The following CCHCR1 variants were observed in gnomAD, a reference collection of about 807,000 sequenced individuals.
CCHCR1 encodes the protein HCR (a-helix coiled-coil rod homologue).
In CCHCR1, 91 loss-of-function variants were observed where a neutral mutation model predicts 114.6. The observed-to-expected ratio is 0.79, with a 90% CI of 0.67 to 0.94. The LOEUF (loss-of-function observed/expected upper bound fraction) is 0.94, where lower values mean the gene tolerates loss of function less well. Among genes scored for constraint, CCHCR1 ranks in the 40% least tolerant of loss-of-function variants. The pLI is 0.00. For missense variants in CCHCR1, 899 were observed against 1,079.9 expected, an observed-to-expected ratio of 0.83 and a Z score of 2.35; for synonymous variants, 379 against 428.5, an observed-to-expected ratio of 0.88 and a Z score of 1.43.
rs757573788 is a variant in CCHCR1 at position 31,145,399 on chromosome 6, G to A, written c.1739+49C>T. On this transcript the variant is annotated intron_variant, in intron 12 of 17. Coordinates refer to ENST00000396268, the MANE Select transcript of CCHCR1 (RefSeq NM_001105564.2). ...AGTCCTCATGGTTTTGGGGGTCCCA[G>A]CAGCCAATGCCCTAAAGCCCCATCC... 5.0e-6 allele frequency: 8 copies of A among 1,613,058 alleles called. No individual in the cohort carries two copies. The East Asian group carries it at 1.3e-4, about 27-fold the overall frequency.
chr6:31,150,250 C>T lies in CCHCR1; in HGVS notation c.1213-35G>A, dbSNP rs1775015624. On this transcript the variant is annotated intron_variant, in intron 7 of 17. Coordinates refer to ENST00000396268, the MANE Select transcript of CCHCR1 (RefSeq NM_001105564.2). This position sits in a 1 kb window ranked among gnomAD's most constrained non-coding sequence, Gnocchi z 5.3. ...AAGGAGTGGGAGAAAAGTGTGGGCT[C>T]CTGGGGGAGGAGAGGAAGGAGGTGG... 1.2e-6 allele frequency: 2 copies of T among 1,609,090 alleles called. No homozygotes were observed. Among genetic ancestry groups the T allele is most frequent in the Non-Finnish European group, 1.7e-6 (2 of 1,176,524 alleles).
rs763540451 is a variant in CCHCR1 at position 31,145,717 on chromosome 6, G to T, written c.1672C>A (p.Arg558Ser). Residue 558 changes from arginine (R) to serine (S), a missense_variant, in exon 11 of 18, where the codon CGC becomes AGC. Transcript: ENST00000396268. ...SLNNRLSYAV[R>S]KVHTIRGLIA... Reference sequence around the variant, plus strand: ...GCACCCCGAATGGTGTGGACCTTGCGGACAGCATAGCTGAGTCGGTTGTTG... The same window carrying T: ...GCACCCCGAATGGTGTGGACCTTGCTGACAGCATAGCTGAGTCGGTTGTTG... The T allele has an allele frequency of 6.2e-7, 1 of 1,613,526 alleles. No homozygotes were observed. The highest frequency in any genetic ancestry group is 8.5e-7 in the Non-Finnish European group (1 of 1,179,682).
Position 31,150,807 on chromosome 6 carries a change from T to A in CCHCR1, c.1019A>T (p.Lys340Ile). The change falls in exon 6 of 18, where the codon AAA becomes ATA. Residue 340 changes from lysine (K) to isoleucine (I), a missense_variant. Lys to Ile is a moderately radical substitution (Grantham distance 102). Coordinates refer to ENST00000396268, the MANE Select transcript of CCHCR1 (RefSeq NM_001105564.2). The surrounding 1 kb of genome is among the most constrained non-coding windows in gnomAD (Gnocchi z 5.3). ...AQVTLVENLR[K>I]YVGEQVPSEV... ...AGAAGGCACTTGTTCCCCAACATAT[T>A]TTCTTAGATTCTCAACCAGGGTCAC... 1.9e-6 allele frequency: 3 copies of A among 1,613,062 alleles called. No individual in the cohort carries two copies. Among genetic ancestry groups the A allele is most frequent in the Non-Finnish European group, 1.7e-6 (2 of 1,180,020 alleles).
intron 10 of CCHCR1, 70 bp from the exon 11 acceptor site, chr6:31,145,878 T>G: frequency 1.1e-6 from 1 of 897,676 alleles, no homozygotes; most frequent in Non-Finnish European, 1.9e-6. Context: ...GTGCCTTGTA[T>G]AGACAACTCC....
Sources: allele counts gnomAD v4.1 joint callset, GRCh38; gene constraint gnomAD v4.1.1; non-coding constraint Gnocchi (gnomAD v3.1); transcripts MANE v1.5; gene names NCBI Gene and HGNC (gene_info 2026-07-23, HGNC 2026-07-21).